The following ZNF75D variants were observed in gnomAD, a reference collection of about 807,000 sequenced individuals.
The protein encoded by ZNF75D is zinc finger protein 75D, also known as zinc finger protein 75.
ZNF75D carries 33 observed loss-of-function variants against 33.3 expected under a neutral mutation model. The ratio of observed to expected loss-of-function variants is 0.99; its 90% CI spans 0.75 to 1.32. The LOEUF (loss-of-function observed/expected upper bound fraction) is 1.32. Among genes scored for constraint, ZNF75D ranks in the 40% most tolerant of loss-of-function variants. The pLI is 0.00. For missense variants in ZNF75D, 338 were observed against 367.5 expected (o/e 0.92, Z 0.66); for synonymous variants, 113 against 130.6 (o/e 0.87, Z 0.92).
chrX:135,308,046 A>C (rs191857975), intron 1 of ZNF75D, among the ~76,000 whole-genome samples: 20 of 112,572 alleles, frequency 1.8e-4, no homozygotes, highest in Non-Finnish European at 2.8e-4. Flanking sequence ...CCATCCAGGA[A>C]GGAGACATGT....
At chrX:135,285,180 T>C (rs1400997007), downstream of ZNF75D, among the ~76,000 whole-genome samples, 2 of 111,943 alleles carry the variant, frequency 1.8e-5, no homozygotes, top group African/African-American at 6.5e-5. Flanking sequence ...GTCGCCATTA[T>C]GTGCAGTCAC....
chrX:135,340,919 G>A (rs951242711), intron 1 of ZNF75D, among the ~76,000 whole-genome samples: 1 of 111,968 alleles, frequency 8.9e-6, no homozygotes, highest in African/African-American at 3.3e-5. Context: ...ATTGTGGGGT[G>A]GCAGGGGCCA....
chrX:135,286,926 T>A lies in ZNF75D; in HGVS notation c.*211A>T. On this transcript the variant is annotated 3_prime_UTR_variant, in exon 7 of 7. Coordinates refer to ENST00000370766, the MANE Select transcript of ZNF75D (RefSeq NM_007131.5). The stretch of plus-strand genomic sequence containing the variant: ...ATCTCATCACTACACTTTCATTTTT[T>A]TATTTATAAAGTACTCCTTATGTAT... 1 of 403,740 alleles carries A rather than the reference T, an allele frequency of 2.5e-6. No individual in the cohort carries two copies. The highest frequency in any genetic ancestry group is 4.2e-6 in the Non-Finnish European group (1 of 237,150). 33.3% of individuals were successfully genotyped at this position (403,740 alleles called of 1,213,427 possible).
intron 1 of ZNF75D, among the ~76,000 whole-genome samples, chrX:135,339,525 T>G (rs1053596141): frequency 4.5e-5 from 5 of 112,317 alleles, no homozygotes; most frequent in African/African-American, 1.3e-4. Flanking sequence ...GAGCTACCAG[T>G]AGGATGTGGG....
intron 1 of ZNF75D, among the ~76,000 whole-genome samples, chrX:135,330,149 C>G (rs1321787097): frequency 8.9e-6 from 1 of 111,873 alleles, no homozygotes; most frequent in Admixed American, 9.5e-5. Flanking sequence ...GATACAGACC[C>G]GTGTGTATGA....
chrX:135,302,653 A>T (rs1556424990), intron 1 of ZNF75D, among the ~76,000 whole-genome samples: 1 of 112,226 alleles, frequency 8.9e-6, no homozygotes, highest in Admixed American at 9.4e-5. Context: ...AACCGTAGTC[A>T]GTCGTGATCT....
chrX:135,324,872 G>A (rs1556436782), intron 1 of ZNF75D, among the ~76,000 whole-genome samples: 2 of 111,874 alleles, frequency 1.8e-5, no homozygotes, highest in African/African-American at 6.5e-5. Flanking sequence ...AGAAATCTCA[G>A]GGACAAAAAT....
intron 1 of ZNF75D, among the ~76,000 whole-genome samples, chrX:135,279,075 T>C (rs2083910417): frequency 8.9e-6 from 1 of 111,815 alleles, no homozygotes; most frequent in African/African-American, 3.3e-5. Flanking sequence ...TACCAGCTCT[T>C]ATTTGTACCT....
chrX:135,306,446 T>G (rs1556425795), intron 1 of ZNF75D, among the ~76,000 whole-genome samples: 1 of 112,255 alleles, frequency 8.9e-6, no homozygotes, highest in East Asian at 2.8e-4. Context: ...TGTTGGCCCA[T>G]GAACATGTCT....
chrX:135,337,360 C>G (rs2084725509), intron 1 of ZNF75D, among the ~76,000 whole-genome samples: 1 of 111,332 alleles, frequency 9.0e-6, no homozygotes. Context: ...ACTGCAGAGG[C>G]CTTTTAGTTT....
At chrX:135,292,700 C>T (rs2084063508) in intron 3 of ZNF75D, among the ~76,000 whole-genome samples, 1 of 112,328 alleles carries the variant, frequency 8.9e-6, no homozygotes, top group Admixed American at 9.4e-5. Flanking sequence ...CAGATCCCCG[C>T]CCCCCAACCC....
At chrX:135,309,308 T>C (rs1338022126) in intron 1 of ZNF75D, among the ~76,000 whole-genome samples, 3 of 111,400 alleles carry the variant, frequency 2.7e-5, no homozygotes, top group African/African-American at 6.5e-5. Context: ...GTGAGACAGA[T>C]TGAATAAATG....
intron 1 of ZNF75D, among the ~76,000 whole-genome samples, 155 bp downstream of exon 1, chrX:135,341,613 C>A (rs1556444790): frequency 1.8e-5 from 2 of 112,445 alleles, no homozygotes. Context: ...GGAGTGAGGA[C>A]TAATGTGGTA....
chrX:135,263,754 C>G, intron 1 of ZNF75D, among the ~76,000 whole-genome samples: 1 of 112,814 alleles, frequency 8.9e-6, no homozygotes, highest in Non-Finnish European at 1.9e-5. Flanking sequence ...AGGAAATCCC[C>G]TGACCCCTTG....
chrX:135,268,570 A>G (rs782605943), intron 1 of ZNF75D, among the ~76,000 whole-genome samples: 1 of 111,117 alleles, frequency 9.0e-6, no homozygotes, highest in Non-Finnish European at 1.9e-5. Flanking sequence ...TATGAAAAGT[A>G]TAACACAGTG....
At chrX:135,321,933 T>G (rs1319819700) in intron 1 of ZNF75D, among the ~76,000 whole-genome samples, 1 of 112,199 alleles carries the variant, frequency 8.9e-6, no homozygotes, top group East Asian at 2.8e-4. Flanking sequence ...TAGAGTAGTT[T>G]ATCTAACTAA....
At chrX:135,330,000 T>C (rs2148493325) in intron 1 of ZNF75D, among the ~76,000 whole-genome samples, 1 of 112,182 alleles carries the variant, frequency 8.9e-6, no homozygotes, top group East Asian at 2.8e-4. Context: ...ATGAGCTGAT[T>C]ATTCAATTAA....
At chrX:135,273,960 TGAA>T (rs1212379714) in intron 1 of ZNF75D, among the ~76,000 whole-genome samples, 2 of 111,767 alleles carry the variant, frequency 1.8e-5, no homozygotes, top group Non-Finnish European at 3.8e-5. Flanking sequence ...CTTTGGAGTC[TGAA>T]GAAGGTTGGC....
intron 1 of ZNF75D, among the ~76,000 whole-genome samples, chrX:135,333,795 C>A (rs1333828597): frequency 1.8e-5 from 2 of 110,696 alleles, no homozygotes; most frequent in African/African-American, 6.6e-5. Context: ...TAATTCCCCC[C>A]AAAAAAAATC....
Sources: gnomAD v4.1 joint callset for allele counts (sites outside exome capture counted in the v4.1 genomes callset) on GRCh38, gnomAD v4.1.1 for gene constraint, MANE v1.5 for transcripts, NCBI Gene and HGNC (gene_info 2026-07-23, HGNC 2026-07-21) for gene names.